SNRPG: variants seen among roughly 807,000 people sequenced by gnomAD.
SNRPG encodes the protein small nuclear ribonucleoprotein G.
A neutral mutation model predicts 13.9 loss-of-function variants in SNRPG; 3 were observed. That is an observed-to-expected ratio of 0.22 (90% CI 0.10 to 0.56). SNRPG has a LOEUF of 0.56. Ranked by LOEUF, SNRPG falls within the 20% of genes least tolerant of loss-of-function variation. The probability of loss-of-function intolerance (pLI) is 0.93; values close to 1 mark genes in which losing one functional copy is unlikely to be tolerated. For synonymous variants in SNRPG, 29 were observed against 29.3 expected (o/e 0.99, Z 0.03); for missense variants, 34 against 96.1 (o/e 0.35, Z 2.70).
At chr2:70,291,014 A>AACACACACAC (rs56202448) in intron 1 of SNRPG, among the ~76,000 whole-genome samples, 1,679 of 133,598 alleles carry the variant, frequency 0.013, 17 homozygotes, top group Middle Eastern at 0.022. Context: ...TCCATCTCAA[A>AACACACACAC]ACACACACAC....
chr2:70,284,892 TC>T (rs1278195830), intron 3 of SNRPG, among the ~76,000 whole-genome samples: 7 of 152,198 alleles, frequency 4.6e-5, no homozygotes. Context: ...AAATGCATAG[TC>T]CCAGCAACAG....
chr2:70,283,096 CAAAAAAAAAAAAA>C lies in SNRPG; in HGVS notation c.181-1425_181-1413del, dbSNP rs57862220. ...GGCAACGAGCGAAACTGTCTTTTGT[CAAAAAAAAAAAAA>C]AAAAAAAAAAAAAAACAACAAACCA... On this transcript the variant is annotated intron_variant, in intron 3 of 3. Coordinates refer to ENST00000272348, the MANE Select transcript of SNRPG (RefSeq NM_003096.4). Among the ~76,000 whole-genome samples, 10 of 14,044 alleles carry C rather than the reference CAAAAAAAAAAAAA, an allele frequency of 7.1e-4. 1 individual carries two copies. The South Asian group carries it at 0.045, about 64-fold the overall frequency. 9.2% of individuals were successfully genotyped at this position (14,044 alleles called of 152,430 possible). A position where few individuals can be genotyped will look rare whatever the true frequency, so the allele number is the denominator to read the frequency against.
chr2:70,284,747 T>C (rs539639634), intron 3 of SNRPG, among the ~76,000 whole-genome samples: 5 of 152,304 alleles, frequency 3.3e-5, no homozygotes, highest in Admixed American at 6.5e-5. Flanking sequence ...TCACATCTCA[T>C]TGACCAAAGC....
Position 70,293,280 on chromosome 2 carries a change from G to A in SNRPG, c.32+338C>T, listed in dbSNP as rs202000145. On this transcript the variant is annotated intron_variant, in intron 1 of 3. Transcript: ENST00000272348. Reference sequence around the variant, plus strand: ...ATTTCCCCCTCTAGCCGTCTATCTAGAACATGATACTATTCGAGATGTTCA... The same window carrying A: ...ATTTCCCCCTCTAGCCGTCTATCTAAAACATGATACTATTCGAGATGTTCA... The A allele has an allele frequency of 9.2e-5, 64 of 696,778 alleles. 1 individual carries two copies. The East Asian group carries it at 1.4e-3, about 15-fold the overall frequency. The allele number at this position is 696,778 out of a possible 1,614,324, so 43.2% of individuals were successfully genotyped here.
intron 3 of SNRPG, among the ~76,000 whole-genome samples, chr2:70,284,716 T>C (rs1211659241): frequency 6.6e-6 from 1 of 152,190 alleles, no homozygotes; most frequent in African/African-American, 2.4e-5. Context: ...CAATTTTTTT[T>C]TTGGCAACAG....
At chr2:70,284,631 G>A (rs1232040346) in intron 3 of SNRPG, among the ~76,000 whole-genome samples, 1 of 152,122 alleles carries the variant, frequency 6.6e-6, no homozygotes, top group African/African-American at 2.4e-5. Context: ...TGATCCTCCT[G>A]CCTTGGCCTC....
chr2:70,287,910 T>C (rs1021954008), intron 3 of SNRPG, 158 bp downstream of exon 3: 30 of 642,746 alleles, frequency 4.7e-5, no homozygotes, highest in Non-Finnish European at 7.3e-5. Context: ...ACCAGGATAT[T>C]ACTACAGCTG....
At chr2:70,287,470 A>G (rs1319121349) in intron 3 of SNRPG, 1 of 623,512 alleles carries the variant, frequency 1.6e-6, no homozygotes, top group Admixed American at 2.8e-5. Flanking sequence ...GTTTAATCCT[A>G]TGAGGGCTCA....
intron 1 of SNRPG, among the ~76,000 whole-genome samples, chr2:70,290,713 C>T (rs1697062794): frequency 6.7e-6 from 1 of 149,852 alleles, no homozygotes; most frequent in South Asian, 2.1e-4. Context: ...GGGCTGGGCG[C>T]GGTGGCTCAT....
At chr2:70,281,716 C>A in intron 3 of SNRPG, 32 bp from the exon 4 acceptor site, 1 of 1,189,370 alleles carries the variant, frequency 8.4e-7, no homozygotes, top group South Asian at 1.3e-5. Flanking sequence ...TTGAAAAGAA[C>A]AACTCAGGTA....
chr2:70,285,805 G>A (rs1298525177), intron 3 of SNRPG, among the ~76,000 whole-genome samples: 1 of 152,126 alleles, frequency 6.6e-6, no homozygotes, highest in Non-Finnish European at 1.5e-5. Flanking sequence ...ACCCTAGCAA[G>A]AGTGCCTGAA....
intron 1 of SNRPG, among the ~76,000 whole-genome samples, chr2:70,290,004 CTTTTTTT>C (rs56861344): frequency 7.6e-6 from 1 of 130,916 alleles, no homozygotes; most frequent in South Asian, 2.5e-4. Context: ...AAATTTCTTT[CTTTTTTT>C]TTTTTTTTTT....
intron 1 of SNRPG, chr2:70,293,037 T>C (rs1697142112): frequency 3.3e-6 from 2 of 601,718 alleles, no homozygotes; most frequent in Non-Finnish European, 6.0e-6. Flanking sequence ...AAAAGAAAAA[T>C]GAATGTTCTT....
At chr2:70,293,088 A>G in intron 1 of SNRPG, 1 of 702,214 alleles carries the variant, frequency 1.4e-6, no homozygotes. Context: ...CATGACATTC[A>G]AGCTTAACGT....
At position 70,287,127 on chromosome 2, in the gene SNRPG, A is replaced by G. The variant is rs537822953; in HGVS notation, c.180+941T>C. ...AATGAAAAAGTATCTGAAATAAGTA[A>G]TAACACAAACCTTGGAAAGAATGGT... On this transcript the variant is annotated intron_variant, in intron 3 of 3. Coordinates refer to ENST00000272348, the MANE Select transcript of SNRPG (RefSeq NM_003096.4). 1.8e-4 allele frequency: 108 copies of G among 586,378 alleles called. 1 individual carries two copies. In the South Asian group the frequency reaches 2.3e-3, roughly 12 times the overall value. 36.3% of individuals were successfully genotyped at this position (586,378 alleles called of 1,614,324 possible).
rs780871842 is a variant in SNRPG at position 70,293,683 on chromosome 2, A to G, written c.-34T>C. The G allele has an allele frequency of 1.9e-6, 3 of 1,608,994 alleles. No homozygotes were observed. The highest frequency in any genetic ancestry group is 2.2e-5 in the South Asian group (2 of 90,966). On this transcript the variant is annotated 5_prime_UTR_variant, in exon 1 of 4. Transcript: ENST00000272348. ...CTCCGCGGGCTCACAGATGCCTTGG[A>G]ACGCAACGCACGGCTTTCCTCACGC...
rs1553474953 is a variant in SNRPG at position 70,283,122 on chromosome 2, A to AGAAAAAAAAC, written c.181-1439_181-1438insGTTTTTTTTC. ...AAAAAAAAAAAAAAAAAAAAAAAAAAAACAACAAACCAAAACCAAAACAAA... is the reference window on the plus strand; with the variant it reads ...AAAAAAAAAAAAAAAAAAAAAAAAAAGAAAAAAAACAACAACAAACCAAAACCAAAACAAA... On this transcript the variant is annotated intron_variant, in intron 3 of 3. Transcript: ENST00000272348. Among the ~76,000 whole-genome samples the AGAAAAAAAAC allele has an allele frequency of 9.5e-4, 79 of 82,994 alleles. 7 individuals are homozygous for AGAAAAAAAAC. The highest frequency in any genetic ancestry group is 2.8e-3 in the African/African-American group (68 of 24,534). 54.4% of individuals were successfully genotyped at this position (82,994 alleles called of 152,430 possible).
chr2:70,287,854 C>T (rs770649286), intron 3 of SNRPG: 18 of 566,368 alleles, frequency 3.2e-5, no homozygotes, highest in Non-Finnish European at 4.7e-5. Context: ...CTATTTCAAG[C>T]GCTAGGACCT....
intron 3 of SNRPG, chr2:70,287,372 C>T (rs1696969155): frequency 1.4e-6 from 1 of 698,692 alleles, no homozygotes; most frequent in Non-Finnish European, 2.6e-6. Context: ...GTATGTTGTC[C>T]TGTGTTAGAC....
Sources: allele counts gnomAD v4.1 joint callset (sites outside exome capture counted in the v4.1 genomes callset), GRCh38; gene constraint gnomAD v4.1.1; transcripts MANE v1.5; gene names NCBI Gene and HGNC (gene_info 2026-07-23, HGNC 2026-07-21).